The following MAPK10 variants were observed in gnomAD, a reference collection of about 807,000 sequenced individuals.
MAPK10 encodes the protein mitogen-activated protein kinase 10, also known as JNK3 alpha protein kinase.
Under a neutral mutation model 59.3 loss-of-function variants are expected in MAPK10, and 25 were observed. The observed-to-expected ratio is 0.42, with a 90% CI of 0.31 to 0.59. The LOEUF is 0.59. Among genes scored for constraint, MAPK10 ranks in the 20% least tolerant of loss-of-function variants. The pLI is 0.15. For missense variants in MAPK10, 351 were observed against 568.9 expected, an observed-to-expected ratio of 0.62 and a Z score of 3.90; for synonymous variants, 190 against 200.5, an observed-to-expected ratio of 0.95 and a Z score of 0.44.
intron 9 of MAPK10, among the ~76,000 whole-genome samples, chr4:86,075,908 G>C (rs2049248959): frequency 6.6e-6 from 1 of 152,300 alleles, no homozygotes; most frequent in South Asian, 2.1e-4. Context: ...TCCTTGAGCT[G>C]TGGTGGGCTC....
At chr4:86,037,391 G>A (rs985196944) in intron 11 of MAPK10, among the ~76,000 whole-genome samples, 5 of 151,998 alleles carry the variant, frequency 3.3e-5, no homozygotes, top group Admixed American at 2.6e-4. Context: ...ATTGTGGCAG[G>A]TGCCTGTGTT....
chr4:86,530,073 T>A (rs1757751551), intron 1 of MAPK10, among the ~76,000 whole-genome samples: 1 of 151,234 alleles, frequency 6.6e-6, no homozygotes, highest in Admixed American at 6.6e-5. Flanking sequence ...TTTTCCTTTT[T>A]TTTTTTTTTT....
intron 11 of MAPK10, among the ~76,000 whole-genome samples, chr4:86,052,894 C>T (rs920772670): frequency 6.6e-6 from 1 of 152,118 alleles, no homozygotes; most frequent in African/African-American, 2.4e-5. Context: ...CTATGCTGCC[C>T]AGGCTGGTCT....
At chr4:86,349,495 C>A (rs1050530184) in intron 2 of MAPK10, among the ~76,000 whole-genome samples, 1 of 152,060 alleles carries the variant, frequency 6.6e-6, no homozygotes, top group African/African-American at 2.4e-5. Flanking sequence ...GCTCAAAATA[C>A]CCCCTGGCTA....
intron 1 of MAPK10, among the ~76,000 whole-genome samples, chr4:86,564,310 G>A (rs1184373917): frequency 6.6e-6 from 1 of 152,162 alleles, no homozygotes; most frequent in Non-Finnish European, 1.5e-5. Context: ...GAGATGAACA[G>A]TCTCCTGGCC....
chr4:86,104,148 T>A (rs2056103942), intron 5 of MAPK10, among the ~76,000 whole-genome samples: 1 of 152,138 alleles, frequency 6.6e-6, no homozygotes, highest in African/African-American at 2.4e-5. Flanking sequence ...TAAAGACATG[T>A]GGAGTAATAA....
At chr4:86,060,337 C>A (rs1203787669) in intron 11 of MAPK10, among the ~76,000 whole-genome samples, 3 of 152,166 alleles carry the variant, frequency 2.0e-5, no homozygotes, top group African/African-American at 4.8e-5. Context: ...CAAAATGGAG[C>A]CTTTTGTAAG....
chr4:86,396,949 G>A (rs1743024072), intron 1 of MAPK10, among the ~76,000 whole-genome samples: 1 of 152,136 alleles, frequency 6.6e-6, no homozygotes, highest in African/African-American at 2.4e-5. Flanking sequence ...TGAGTTAAGT[G>A]TACACACTAC....
intron 11 of MAPK10, among the ~76,000 whole-genome samples, chr4:86,054,230 A>G (rs1199546032): frequency 1.3e-5 from 2 of 152,200 alleles, no homozygotes; most frequent in Non-Finnish European, 2.9e-5. Context: ...CTAAAATTAG[A>G]GATAAATGAG....
intron 1 of MAPK10, among the ~76,000 whole-genome samples, chr4:86,509,089 A>G (rs1756012276): frequency 6.6e-6 from 1 of 152,058 alleles, no homozygotes; most frequent in Non-Finnish European, 1.5e-5. Flanking sequence ...TTGTGTTAAG[A>G]TAACACACTG....
chr4:86,478,129 T>C (rs942718992), intron 1 of MAPK10, among the ~76,000 whole-genome samples: 3 of 152,228 alleles, frequency 2.0e-5, no homozygotes, highest in Admixed American at 2.0e-4. Context: ...TAGGCATGGT[T>C]GGATACTTTC....
intron 6 of MAPK10, chr4:86,102,523 T>C (rs375299082): frequency 2.0e-5 from 3 of 153,750 alleles, no homozygotes; most frequent in Non-Finnish European, 4.3e-5. Context: ...ACTATTTCTT[T>C]TTGTTTGTTT....
intron 9 of MAPK10, among the ~76,000 whole-genome samples, chr4:86,089,992 G>A (rs2052761954): frequency 6.6e-6 from 1 of 152,058 alleles, no homozygotes; most frequent in South Asian, 2.1e-4. Context: ...CTGAAACTGT[G>A]AATCAAAAGA....
intron 4 of MAPK10, among the ~76,000 whole-genome samples, chr4:86,141,485 A>G (rs2063635025): frequency 6.6e-6 from 1 of 152,200 alleles, no homozygotes; most frequent in African/African-American, 2.4e-5. Context: ...GAAGAAGTTT[A>G]AGACACCATT....
At chr4:86,360,108 A>G, upstream of MAPK10, 1 of 985,924 alleles carries the variant, frequency 1.0e-6, no homozygotes, top group Non-Finnish European at 1.2e-6. Flanking sequence ...TGCTATGGCA[A>G]CCGAAAGGAG....
At chr4:86,492,183 C>A (rs1157909372) in intron 1 of MAPK10, among the ~76,000 whole-genome samples, 1 of 152,116 alleles carries the variant, frequency 6.6e-6, no homozygotes, top group Non-Finnish European at 1.5e-5. Context: ...TCTTCAGATT[C>A]AAGGTGCAAT....
Position 86,406,172 on chromosome 4 carries a change from C to G in MAPK10, c.-122+46858G>C, listed in dbSNP as rs187333114. 6.4e-4 allele frequency among the ~76,000 whole-genome samples: 97 copies of G among 152,250 alleles called. 1 individual carries two copies. The East Asian group carries it at 9.9e-3, about 15-fold the overall frequency. On this transcript the variant is annotated intron_variant, in intron 1 of 13. Coordinates refer to the MAPK10 transcript ENST00000361569. ...CAGAGTCCCTCGGCTTTCACTATGG[C>G]AAGTTTGGTTGGATAAGCCTTCCAA...
intron 4 of MAPK10, among the ~76,000 whole-genome samples, chr4:86,138,785 C>A (rs998811729): frequency 2.6e-5 from 4 of 151,954 alleles, no homozygotes; most frequent in African/African-American, 9.7e-5. Flanking sequence ...ATCTAGAAAA[C>A]CCCATTGTCT....
intron 4 of MAPK10, chr4:86,125,958 G>A (rs1199891370): frequency 6.6e-6 from 1 of 152,054 alleles, no homozygotes. Flanking sequence ...TAAAATTGAT[G>A]AGATTCATTA....
Sources: allele counts gnomAD v4.1 joint callset (sites outside exome capture counted in the v4.1 genomes callset), GRCh38; gene constraint gnomAD v4.1.1; transcripts MANE v1.5; gene names NCBI Gene and HGNC (gene_info 2026-07-23, HGNC 2026-07-21).